TNRC18: variants seen among roughly 807,000 people sequenced by gnomAD.
TNRC18 encodes trinucleotide repeat containing 18.
TNRC18 carries 69 observed loss-of-function variants against 226.7 expected under a neutral mutation model. The ratio of observed to expected loss-of-function variants is 0.30; its 90% CI spans 0.25 to 0.37. TNRC18 has a LOEUF of 0.37. Ranked by LOEUF, TNRC18 falls within the 10% of genes least tolerant of loss-of-function variation. The pLI is 1.00. For synonymous variants in TNRC18, 2,449 were observed against 1,927.6 expected (o/e 1.27, Z -7.09); for missense variants, 4,754 against 4,256.6 (o/e 1.12, Z -3.25).
In TNRC18 at chr7:5,357,118, C is replaced by A. The variant is rs1256532835; in HGVS notation, c.4992G>T (p.Arg1664Ser). ...GCAGGCTGTCGTAAGGAGTCAAGTA[C>A]CTGCCGCAGCCCCCGCTAGTTTTCG... is the stretch of plus-strand genomic sequence containing the variant. The part of the protein sequence containing the change: ...GKSKTSGGCG[R>S]YLTPYDSLLG... Residue 1664 changes from arginine to serine, a missense_variant, in exon 16 of 30, where the codon AGG (arginine) becomes AGT (serine). Coordinates refer to ENST00000430969, the MANE Select transcript of TNRC18 (RefSeq NM_001080495.3). 4.5e-6 allele frequency: 7 copies of A among 1,554,170 alleles called. No homozygotes were observed. The South Asian group carries it at 7.1e-5, about 16-fold the overall frequency.
At chr7:5,343,025 C>G (rs1350373108) in intron 18 of TNRC18, among the ~76,000 whole-genome samples, 6 of 152,198 alleles carry the variant, frequency 3.9e-5, no homozygotes, top group Admixed American at 6.5e-5. Flanking sequence ...TGGCAATACA[C>G]TATTTTTAAG....
At chr7:5,321,687 T>A (rs1433469964) in intron 21 of TNRC18, among the ~76,000 whole-genome samples, 10 of 141,798 alleles carry the variant, frequency 7.1e-5, no homozygotes, top group African/African-American at 1.1e-4. Context: ...TTATTTATTT[T>A]TGAGATGGAG....
intron 26 of TNRC18, among the ~76,000 whole-genome samples, chr7:5,314,563 C>CTTTTTT (rs67183154): frequency 8.8e-5 from 7 of 79,692 alleles, no homozygotes; most frequent in Non-Finnish European, 1.2e-4. Context: ...GAGTTCTCTT[C>CTTTTTT]TTTTTTTTTT....
chr7:5,385,469 T>C (rs1230517158), intron 5 of TNRC18, among the ~76,000 whole-genome samples: 8 of 117,736 alleles, frequency 6.8e-5, no homozygotes, highest in African/African-American at 1.8e-4. Flanking sequence ...CAGTCCGGCC[T>C]GGGCGACAGA....
At chr7:5,342,036 C>T (rs73054067) in intron 18 of TNRC18, among the ~76,000 whole-genome samples, 16,952 of 152,226 alleles carry the variant, frequency 0.11, 1,609 homozygotes, top group East Asian at 0.57. Flanking sequence ...TTTCAAGTCT[C>T]GTTATTTAAG....
intron 2 of TNRC18, among the ~76,000 whole-genome samples, chr7:5,415,369 CTTTTTTTTTT>C (rs368389351): frequency 6.0e-5 from 5 of 83,138 alleles, no homozygotes; most frequent in East Asian, 3.2e-4. Context: ...CTGTGTCCCT[CTTTTTTTTTT>C]TTTTTTTTTT....
intron 18 of TNRC18, among the ~76,000 whole-genome samples, chr7:5,336,973 C>T (rs989570474): frequency 6.6e-6 from 1 of 152,138 alleles, no homozygotes; most frequent in Non-Finnish European, 1.5e-5. Context: ...TGCTTTTCCT[C>T]AATAGCTGAA....
At chr7:5,420,701 C>T (rs1782514185) in intron 2 of TNRC18, 1 of 524,300 alleles carries the variant, frequency 1.9e-6, no homozygotes, top group Non-Finnish European at 3.7e-6. Flanking sequence ...GCGGGTGTCT[C>T]GCGGGGTGCG....
Position 5,414,959 on chromosome 7 carries a change from T to C in TNRC18, c.187+6101A>G, listed in dbSNP as rs529048409. Among the ~76,000 whole-genome samples, 178 of 152,330 alleles carry C rather than the reference T, an allele frequency of 1.2e-3. 2 individuals carry two copies. The highest frequency in any genetic ancestry group is 1.9e-3 in the Non-Finnish European group (130 of 68,030). On this transcript the variant is annotated intron_variant, in intron 2 of 29. Coordinates refer to ENST00000430969, the MANE Select transcript of TNRC18 (RefSeq NM_001080495.3). ...TCCAGTCTCTTTTAATCAGGAACAG[T>C]TCTCCGCCTTCCTCTGCCTTGCATG...
chr7:5,324,727 G>A lies in TNRC18; in HGVS notation c.6300+369C>T, dbSNP rs539726319. 3.9e-5 allele frequency among the ~76,000 whole-genome samples: 6 copies of A among 152,102 alleles called. No individual in the cohort carries two copies. Among genetic ancestry groups the A allele is most frequent in the South Asian group, 4.1e-4 (2 of 4,828 alleles). ...CAATGGGCTTGAGGAAAAACCACTC[G>A]GGCAGGGGCTAGCAGGTGTGGGGAG... On this transcript the variant is annotated intron_variant, in intron 20 of 29. Coordinates refer to ENST00000430969, the MANE Select transcript of TNRC18 (RefSeq NM_001080495.3). This position sits in a 1 kb window ranked among gnomAD's most constrained non-coding sequence, Gnocchi z 4.8.
At chr7:5,323,009 C>T (rs189143946) in intron 21 of TNRC18, among the ~76,000 whole-genome samples, 4 of 152,194 alleles carry the variant, frequency 2.6e-5, no homozygotes, top group Admixed American at 6.5e-5. Flanking sequence ...AAACAACACA[C>T]GCAGAGAGGA....
At position 5,371,202 on chromosome 7, in the gene TNRC18, T is replaced by G. The variant is rs765106083; in HGVS notation, c.3392A>C (p.Lys1131Thr). The stretch of plus-strand genomic sequence containing the variant: ...CTTGGAGGGGGACAAGCGGATGGGC[T>G]TGTCTTCGGGTGAGAGTGCCAGGCG... ...PERLALSPED[K>T]PIRLSPSKIT... is the part of the protein sequence containing the mutation. The change falls in exon 11 of 30, where the codon AAG (lysine) becomes ACG (threonine). Residue 1131 changes from lysine to threonine, a missense_variant. Lys to Thr is a moderately conservative substitution (Grantham distance 78). Transcript: ENST00000430969. The G allele has an allele frequency of 6.2e-7, 1 of 1,605,350 alleles. No homozygotes were observed. The highest frequency in any genetic ancestry group is 1.1e-5 in the South Asian group (1 of 90,742).
chr7:5,409,448 G>A (rs1285830257), intron 2 of TNRC18, among the ~76,000 whole-genome samples: 1 of 151,968 alleles, frequency 6.6e-6, no homozygotes, highest in African/African-American at 2.4e-5. Flanking sequence ...AAACTAGCCA[G>A]GCGTGGTGGC....
intron 14 of TNRC18, 84 bp downstream of exon 14, chr7:5,361,509 AC>A: frequency 7.1e-7 from 1 of 1,399,796 alleles, no homozygotes; most frequent in Non-Finnish European, 9.3e-7. Context: ...GTCCCCCAGC[AC>A]CCCGAGGCAG....
chr7:5,326,370 G>A (rs1301398064), intron 19 of TNRC18, among the ~76,000 whole-genome samples: 4 of 152,188 alleles, frequency 2.6e-5, no homozygotes, highest in Admixed American at 2.6e-4. Context: ...AAGGTATGGA[G>A]AAACCCTAAT....
In TNRC18 at chr7:5,376,179, A is replaced by AG; in HGVS notation, c.2653dup (p.Leu885ProfsTer229). 1 of 1,561,114 alleles carries AG rather than the reference A, an allele frequency of 6.4e-7. No individual in the cohort carries two copies. Among genetic ancestry groups the AG allele is most frequent in the Non-Finnish European group, 8.7e-7 (1 of 1,154,772 alleles). On this transcript the variant is annotated frameshift_variant, in exon 9 of 30. Coordinates refer to ENST00000430969, the MANE Select transcript of TNRC18 (RefSeq NM_001080495.3). LOFTEE classifies it high-confidence loss of function. ...CAGGGGGCTGCGGCCCGGCGGGTACAGGGCGGGCCAGAGGGGCGGTACGGT... is the reference window on the plus strand; with the variant it reads ...CAGGGGGCTGCGGCCCGGCGGGTACAGGGGCGGGCCAGAGGGGCGGTACGGT...
chr7:5,388,799 G>T lies in TNRC18; in HGVS notation c.1025C>A (p.Pro342His), dbSNP rs901563625. ...PSPLPPPPAP[P>H]KGPPAPPAAT... ...CGCGGGGGGTGCAGGAGGCCCCTTG[G>T]GGGGCGCGGGCGGCGGGGGCAGCGG... is the stretch of plus-strand genomic sequence containing the variant. Residue 342 changes from proline (P) to histidine (H), a missense_variant, in exon 5 of 30, where the codon CCC (proline) becomes CAC (histidine). Transcript: ENST00000430969. 9.2e-6 allele frequency: 11 copies of T among 1,200,228 alleles called. No individual in the cohort carries two copies. The highest frequency in any genetic ancestry group is 1.6e-5 in the African/African-American group (1 of 61,220). The allele number at this position is 1,200,228 out of a possible 1,614,324, so 74.3% of individuals were successfully genotyped here.
At chr7:5,361,501 C>T in intron 14 of TNRC18, 93 bp downstream of exon 14, 5 of 1,380,506 alleles carry the variant, frequency 3.6e-6, no homozygotes, top group Non-Finnish European at 4.7e-6. Flanking sequence ...GACGCGAGGT[C>T]CCCCAGCACC....
Position 5,313,501 on chromosome 7 carries a change from G to C in TNRC18, c.7390C>G (p.Leu2464Val). ...PGEEAELLVK[L>V]DHEGVTSPKS... ...GGTGACGTGACACCCTCGTGGTCCA[G>C]TTTGACAAGCAGCTCGGCCTCCTCC... is the stretch of plus-strand genomic sequence containing the variant. The change falls in exon 27 of 30, where the codon CTG becomes GTG. Residue 2464 changes from leucine (L) to valine (V), a missense_variant. Transcript: ENST00000430969. 1 of 1,613,324 alleles carries C rather than the reference G, an allele frequency of 6.2e-7. No homozygotes were observed. The highest frequency in any genetic ancestry group is 1.3e-5 in the African/African-American group (1 of 75,036).
Sources: gnomAD v4.1 joint callset for allele counts (sites outside exome capture counted in the v4.1 genomes callset) on GRCh38, gnomAD v4.1.1 for gene constraint, Gnocchi (gnomAD v3.1) non-coding constraint, MANE v1.5 for transcripts, NCBI Gene and HGNC (gene_info 2026-07-23, HGNC 2026-07-21) for gene names.